Variants in CDYL2 observed in about 807,000 individuals in gnomAD.
CDYL2 encodes the protein chromodomain Y like 2, also known as chromodomain Y-like protein 2.
Under a neutral mutation model 49.4 loss-of-function variants are expected in CDYL2, and 23 were observed. The observed-to-expected ratio is 0.47, with a 90% CI of 0.34 to 0.66. The LOEUF (loss-of-function observed/expected upper bound fraction) is 0.66. Ranked by LOEUF, CDYL2 falls within the 30% of genes least tolerant of loss-of-function variation. The pLI is 0.01. For missense variants in CDYL2, 678 were observed against 656.4 expected, an observed-to-expected ratio of 1.03 and a Z score of -0.36; for synonymous variants, 360 against 268.8, an observed-to-expected ratio of 1.34 and a Z score of -3.32.
intron 3 of CDYL2, among the ~76,000 whole-genome samples, chr16:80,628,830 A>C (rs754382380): frequency 6.6e-6 from 1 of 152,206 alleles, no homozygotes; most frequent in Non-Finnish European, 1.5e-5. Flanking sequence ...AGAAGTTTAC[A>C]GTCTAATGGA....
intron 2 of CDYL2, among the ~76,000 whole-genome samples, chr16:80,650,212 C>T (rs1044651755): frequency 6.6e-6 from 1 of 152,190 alleles, no homozygotes. Context: ...CGTGTACAAA[C>T]TATCCATCTG....
intron 1 of CDYL2, among the ~76,000 whole-genome samples, chr16:80,767,064 G>A: frequency 6.6e-6 from 1 of 152,014 alleles, no homozygotes; most frequent in Admixed American, 6.6e-5. Context: ...TATCAGTGTG[G>A]TCCCAGAACC....
At chr16:80,714,804 A>G (rs925159972) in intron 1 of CDYL2, among the ~76,000 whole-genome samples, 2 of 152,204 alleles carry the variant, frequency 1.3e-5, no homozygotes, top group Non-Finnish European at 2.9e-5. Flanking sequence ...ACCCAAAAAT[A>G]AACTACCAAC....
At chr16:80,655,920 G>A (rs942708569) in intron 2 of CDYL2, among the ~76,000 whole-genome samples, 4 of 152,166 alleles carry the variant, frequency 2.6e-5, no homozygotes, top group African/African-American at 9.7e-5. Flanking sequence ...TGGCAGGGAA[G>A]ACGCTGTGAG....
intron 5 of CDYL2, among the ~76,000 whole-genome samples, chr16:80,611,139 G>A (rs948890218): frequency 2.0e-5 from 3 of 152,144 alleles, no homozygotes; most frequent in Non-Finnish European, 4.4e-5. Flanking sequence ...GCTCAAAGGG[G>A]TCCTCTCTGA....
chr16:80,716,857 G>A (rs560720702), intron 1 of CDYL2, among the ~76,000 whole-genome samples: 27 of 151,330 alleles, frequency 1.8e-4, no homozygotes, highest in Non-Finnish European at 3.4e-4. Context: ...TGTATGTAAT[G>A]TATGTATGGA....
chr16:80,739,554 T>A (rs1450876776), intron 1 of CDYL2, among the ~76,000 whole-genome samples: 1 of 152,104 alleles, frequency 6.6e-6, no homozygotes, highest in African/African-American at 2.4e-5. Flanking sequence ...GCGGGGCAGA[T>A]TCACACAGCA....
At chr16:80,667,521 CT>C (rs1339031552) in intron 2 of CDYL2, among the ~76,000 whole-genome samples, 2 of 152,180 alleles carry the variant, frequency 1.3e-5, no homozygotes, top group Non-Finnish European at 2.9e-5. Flanking sequence ...CTTCGGTGCC[CT>C]TACCTATGGC....
chr16:80,671,036 C>T (rs1379587138), intron 2 of CDYL2: 5 of 455,598 alleles, frequency 1.1e-5, no homozygotes, highest in Non-Finnish European at 1.8e-5. Context: ...TGTGACTTTC[C>T]TCTATGGCAT....
chr16:80,737,126 G>A (rs1905561672), intron 1 of CDYL2, among the ~76,000 whole-genome samples: 1 of 152,144 alleles, frequency 6.6e-6, no homozygotes, highest in African/African-American at 2.4e-5. Context: ...TGAGGATCTT[G>A]AAATTGAGCC....
At chr16:80,637,398 G>A (rs1346657220) in intron 2 of CDYL2, among the ~76,000 whole-genome samples, 1 of 152,050 alleles carries the variant, frequency 6.6e-6, no homozygotes. Context: ...GAGTCCTAGC[G>A]ATTGCAAAAA....
chr16:80,736,515 G>A (rs749029322), intron 1 of CDYL2: 3 of 152,230 alleles, frequency 2.0e-5, no homozygotes, highest in Non-Finnish European at 4.4e-5. Context: ...GATATCAACA[G>A]GTAAACATGA....
intron 1 of CDYL2, among the ~76,000 whole-genome samples, chr16:80,712,303 T>C (rs927152295): frequency 1.3e-5 from 2 of 151,250 alleles, no homozygotes; most frequent in Admixed American, 6.6e-5. Context: ...CCCTGAAACG[T>C]AGCCACTGGA....
intron 2 of CDYL2, among the ~76,000 whole-genome samples, chr16:80,637,670 T>TAA (rs57245146): frequency 0.28 from 42,190 of 152,048 alleles, 9,470 homozygotes; most frequent in African/African-American, 0.61. Context: ...AAAAAAATAC[T>TAA]GTTTTAATAT....
At chr16:80,683,296 A>T (rs1383715454) in intron 2 of CDYL2, among the ~76,000 whole-genome samples, 1 of 152,250 alleles carries the variant, frequency 6.6e-6, no homozygotes, top group African/African-American at 2.4e-5. Flanking sequence ...CAAAGAGACA[A>T]ATGCCACCAG....
At chr16:80,732,632 C>T (rs1447810302) in intron 1 of CDYL2, among the ~76,000 whole-genome samples, 1 of 152,062 alleles carries the variant, frequency 6.6e-6, no homozygotes, top group Non-Finnish European at 1.5e-5. Context: ...CATGTTTTAC[C>T]TACCAAAGAA....
intron 1 of CDYL2, among the ~76,000 whole-genome samples, chr16:80,753,865 T>C (rs1361509705): frequency 1.3e-5 from 2 of 152,196 alleles, no homozygotes; most frequent in Non-Finnish European, 2.9e-5. Context: ...TGTGAGAAGA[T>C]ATTTATGATA....
intron 4 of CDYL2, among the ~76,000 whole-genome samples, chr16:80,614,324 C>G (rs1248473500): frequency 6.6e-6 from 1 of 152,208 alleles, no homozygotes; most frequent in Non-Finnish European, 1.5e-5. Flanking sequence ...AGCAAAAACC[C>G]ACCAGTACCA....
intron 3 of CDYL2, chr16:80,627,700 T>A (rs1011093213): frequency 6.6e-6 from 1 of 152,250 alleles, no homozygotes; most frequent in Admixed American, 6.5e-5. Context: ...ATATACTGTA[T>A]GCATATAACT....
Sources: gnomAD v4.1 joint callset for allele counts (sites outside exome capture counted in the v4.1 genomes callset) on GRCh38, gnomAD v4.1.1 for gene constraint, MANE v1.5 for transcripts, NCBI Gene and HGNC (gene_info 2026-07-23, HGNC 2026-07-21) for gene names.